FLT3: variants seen among roughly 807,000 people sequenced by gnomAD.
FLT3 encodes receptor-type tyrosine-protein kinase FLT3.
In FLT3, 46 loss-of-function variants were observed where a neutral mutation model predicts 126.6. The observed-to-expected ratio is 0.36, with a 90% confidence interval of 0.29 to 0.46. The LOEUF is 0.46. FLT3 is among the 20% of genes least tolerant of loss of function. The pLI, the probability that FLT3 is intolerant of heterozygous loss-of-function variation, is 1.00. For synonymous variants in FLT3, 404 were observed against 434.4 expected (o/e 0.93, Z 0.87); for missense variants, 1,069 against 1,190.3 (o/e 0.90, Z 1.50).
Position 28,015,086 on chromosome 13 carries a change from G to T in FLT3, c.2753+71C>A, listed in dbSNP as rs1871720084. On this transcript the variant is annotated intron_variant, in intron 22 of 23. Transcript: ENST00000241453. ...GCACTAAGGAGTTTGACTTTTTTTG[G>T]TCATGCATTTGGAAGTAGACAGACT... 9.7e-6 allele frequency: 9 copies of T among 929,898 alleles called. No individual in the cohort carries two copies. The Admixed American group carries it at 1.1e-4, about 11-fold the overall frequency. 57.6% of individuals were successfully genotyped at this position (929,898 alleles called of 1,614,324 possible).
In FLT3 at chr13:28,100,378, T is replaced by C; in HGVS notation, c.43+90A>G. ...CGAGCGCGGGGAGGAGCGAGGCGGC[T>C]GGGCCGGAGGAGGCGCGCGCCCGGG... On this transcript the variant is annotated intron_variant, in intron 1 of 23. Coordinates refer to ENST00000241453, the MANE Select transcript of FLT3 (RefSeq NM_004119.3). The surrounding 1 kb of genome is among the most constrained non-coding windows in gnomAD (Gnocchi z 4.8). 6.5e-6 allele frequency: 6 copies of C among 916,904 alleles called. No individual in the cohort carries two copies. The highest frequency in any genetic ancestry group is 5.4e-5 in the South Asian group (1 of 18,482). The allele number at this position is 916,904 out of a possible 1,614,324, so 56.8% of individuals were successfully genotyped here.
rs1219232189 is a variant in FLT3, at chr13:28,100,547, C to T, written c.-37G>A. The T allele has an allele frequency of 2.2e-5, 27 of 1,204,350 alleles. No homozygotes were observed. The highest frequency in any genetic ancestry group is 2.7e-5 in the Non-Finnish European group (26 of 968,554). 74.6% of individuals were successfully genotyped at this position (1,204,350 alleles called of 1,614,324 possible). On this transcript the variant is annotated 5_prime_UTR_variant, in exon 1 of 24. Coordinates refer to ENST00000241453, the MANE Select transcript of FLT3 (RefSeq NM_004119.3). The surrounding 1 kb of genome is among the most constrained non-coding windows in gnomAD (Gnocchi z 4.8). The stretch of plus-strand genomic sequence containing the variant: ...CCCGGGGTCCCCAGGCCGCGCCGGC[C>T]CAGCCCTGCGATGCCGCCTGGAGCG...
intron 19 of FLT3, among the ~76,000 whole-genome samples, chr13:28,022,901 T>G (rs1365426561): frequency 6.6e-6 from 1 of 152,238 alleles, no homozygotes; most frequent in African/African-American, 2.4e-5. Flanking sequence ...CCTGCAGGAC[T>G]GCTGCCAGCC....
intron 1 of FLT3, among the ~76,000 whole-genome samples, chr13:28,078,450 C>G (rs1211663777): frequency 3.3e-5 from 5 of 152,220 alleles, no homozygotes; most frequent in Admixed American, 6.5e-5. Flanking sequence ...GTACATTGGT[C>G]CCTTTCAGCC....
At position 28,027,068 on chromosome 13, in the gene FLT3, A is replaced by G; in HGVS notation, c.2207+20T>C. 6.2e-7 allele frequency: 1 copy of G among 1,609,832 alleles called. No individual in the cohort carries two copies. Among genetic ancestry groups the G allele is most frequent in the Non-Finnish European group, 8.5e-7 (1 of 1,177,550 alleles). On this transcript the variant is annotated intron_variant, in intron 17 of 23. Coordinates refer to ENST00000241453, the MANE Select transcript of FLT3 (RefSeq NM_004119.3). ...ACGTTCTATGATGTGTAATTACGAAACCCTGACCCAGCCTCTTACCTGGAA... is the reference window on the plus strand; with the variant it reads ...ACGTTCTATGATGTGTAATTACGAAGCCCTGACCCAGCCTCTTACCTGGAA...
chr13:28,070,626 TA>T lies in FLT3; in HGVS notation c.44-15del, dbSNP rs770575812. Reference sequence around the variant, plus strand: ...CAGAAAAAACAACTGTAAAACAAAATAAAAATGATAATGTTGATACATGCAC... The same window carrying T: ...CAGAAAAAACAACTGTAAAACAAAATAAAATGATAATGTTGATACATGCAC... On this transcript the variant is annotated splice_polypyrimidine_tract_variant and intron_variant, in intron 1 of 23. Transcript: ENST00000241453. 3.2e-6 allele frequency: 5 copies of T among 1,578,896 alleles called. No individual in the cohort carries two copies. In the African/African-American group the frequency reaches 6.8e-5, roughly 21 times the overall value.
Position 28,003,804 on chromosome 13 carries a change from C to A in FLT3, c.*248G>T. On this transcript the variant is annotated 3_prime_UTR_variant, in exon 24 of 24. Coordinates refer to ENST00000241453, the MANE Select transcript of FLT3 (RefSeq NM_004119.3). ...ATTCACTCAAGCCAGCCTGAGAAGG[C>A]CTTGGATGCAGATCAATGCTCCAAT... is the stretch of plus-strand genomic sequence containing the variant. 2.0e-6 allele frequency: 1 copy of A among 507,818 alleles called. No individual in the cohort carries two copies. Among genetic ancestry groups the A allele is most frequent in the Non-Finnish European group, 3.5e-6 (1 of 282,652 alleles). 31.5% of individuals were successfully genotyped at this position (507,818 alleles called of 1,614,324 possible).
intron 9 of FLT3, among the ~76,000 whole-genome samples, chr13:28,045,399 A>G (rs78337850): frequency 0.013 from 2,052 of 152,330 alleles, 44 homozygotes; most frequent in African/African-American, 0.047. Context: ...CTCTCTTTGA[A>G]TCAGGTTCAG....
At chr13:28,091,693 G>A (rs1879117457) in intron 1 of FLT3, among the ~76,000 whole-genome samples, 1 of 152,128 alleles carries the variant, frequency 6.6e-6, no homozygotes, top group African/African-American at 2.4e-5. Context: ...TCAGCACTCT[G>A]GGAAGCCAAG....
At chr13:28,035,891 G>C in intron 11 of FLT3, 44 bp downstream of exon 11, 2 of 1,461,224 alleles carry the variant, frequency 1.4e-6, no homozygotes, top group South Asian at 1.1e-5. Flanking sequence ...AGGTCAGAGA[G>C]TTTTATGTTC....
intron 1 of FLT3, among the ~76,000 whole-genome samples, chr13:28,092,059 G>C (rs768150274): frequency 1.3e-5 from 2 of 152,164 alleles, no homozygotes; most frequent in Non-Finnish European, 2.9e-5. Context: ...GATGGAGCGA[G>C]ACTCCGTCTC....
rs373370505 is a variant in FLT3 at position 28,024,648 on chromosome 13, A to C, written c.2290+213T>G. On this transcript the variant is annotated intron_variant, in intron 18 of 23. Coordinates refer to ENST00000241453, the MANE Select transcript of FLT3 (RefSeq NM_004119.3). ...TGGCTGTAATTAATATATGACTTTAAATGAATAATCTGACCAAATAAAATA... is the reference window on the plus strand; with the variant it reads ...TGGCTGTAATTAATATATGACTTTACATGAATAATCTGACCAAATAAAATA... Among the ~76,000 whole-genome samples the C allele has an allele frequency of 2.6e-5, 4 of 152,242 alleles. No individual in the cohort carries two copies. In the East Asian group the frequency reaches 7.7e-4, roughly 29 times the overall value.
intron 9 of FLT3, 71 bp from the exon 10 acceptor site, chr13:28,037,359 G>A: frequency 1.1e-6 from 1 of 878,560 alleles, no homozygotes; most frequent in Non-Finnish European, 1.9e-6. Context: ...ATGACAGTGT[G>A]CATGGGAGGT....
At chr13:28,060,428 A>G (rs1566090071) in intron 3 of FLT3, among the ~76,000 whole-genome samples, 2 of 149,008 alleles carry the variant, frequency 1.3e-5, no homozygotes, top group African/African-American at 4.9e-5. Context: ...CCTCAAAAAA[A>G]AAAAAAAATT....
chr13:28,063,907 G>GATCC (rs1250411246), intron 2 of FLT3, among the ~76,000 whole-genome samples: 2 of 152,156 alleles, frequency 1.3e-5, no homozygotes, highest in Non-Finnish European at 2.9e-5. Context: ...TTCTAAGCCG[G>GATCC]ATGTTTAAGT....
At chr13:28,089,738 CTTT>C (rs56030894) in intron 1 of FLT3, among the ~76,000 whole-genome samples, 2 of 143,940 alleles carry the variant, frequency 1.4e-5, no homozygotes, top group African/African-American at 2.6e-5. Context: ...CATGAGGGAA[CTTT>C]TTTTTTTTTT....
chr13:28,030,655 C>T (rs561888065), intron 15 of FLT3, among the ~76,000 whole-genome samples: 1 of 151,964 alleles, frequency 6.6e-6, no homozygotes, highest in South Asian at 2.1e-4. Flanking sequence ...TGCTGGTACC[C>T]AGAAGTTCAA....
chr13:28,089,615 C>T (rs1301089504), intron 1 of FLT3, among the ~76,000 whole-genome samples: 1 of 151,934 alleles, frequency 6.6e-6, no homozygotes, highest in Non-Finnish European at 1.5e-5. Flanking sequence ...CACTCAAAGG[C>T]TACGTATCAT....
At position 28,025,800 on chromosome 13, in the gene FLT3, C is replaced by T. The variant is rs551177089; in HGVS notation, c.2208-857G>A. Among the ~76,000 whole-genome samples the T allele has an allele frequency of 5.9e-5, 9 of 152,082 alleles. 1 individual carries two copies. In the South Asian group the frequency reaches 8.3e-4, roughly 14 times the overall value. On this transcript the variant is annotated intron_variant, in intron 17 of 23. Transcript: ENST00000241453. ...GAGTGTAAAGGAGAGGACGGTGTGA[C>T]GGGCATGCATAGGTTAAGGGCAGCT...
Sources: gnomAD v4.1 joint callset for allele counts (sites outside exome capture counted in the v4.1 genomes callset) on GRCh38, gnomAD v4.1.1 for gene constraint, Gnocchi (gnomAD v3.1) non-coding constraint, MANE v1.5 for transcripts, NCBI Gene and HGNC (gene_info 2026-07-23, HGNC 2026-07-21) for gene names.